TTLL11: variants seen among roughly 807,000 people sequenced by gnomAD.
The protein encoded by TTLL11 is tubulin polyglutamylase TTLL11.
In TTLL11, 42 loss-of-function variants were observed where a neutral mutation model predicts 51.7. That is an observed-to-expected ratio of 0.81 (90% CI 0.64 to 1.05). TTLL11 has a LOEUF of 1.05. TTLL11 is among the 50% of genes least tolerant of loss of function. The pLI is 0.00. For synonymous variants in TTLL11, 381 were observed against 383.5 expected (o/e 0.99, Z 0.08); for missense variants, 799 against 940.4 (o/e 0.85, Z 1.97).
In TTLL11 at chr9:121,826,217, TGCAC is replaced by T. The variant is rs1243665499; in HGVS notation, c.1841-3342_1841-3339del. Among the ~76,000 whole-genome samples the T allele has an allele frequency of 6.9e-3, 400 of 58,036 alleles. 13 individuals carry two copies. Among genetic ancestry groups the T allele is most frequent in the Non-Finnish European group, 8.8e-3 (292 of 33,160 alleles). 38.1% of individuals were successfully genotyped at this position (58,036 alleles called of 152,430 possible). A position where few individuals can be genotyped will look rare whatever the true frequency, so the allele number is the denominator to read the frequency against. On this transcript the variant is annotated intron_variant, in intron 8 of 8. Transcript: ENST00000321582. ...ATATATATATATATATATATATATA[TGCAC>T]ACATATATATATACACGCACATATA...
At chr9:122,092,524 G>A (rs891243865) in intron 1 of TTLL11, among the ~76,000 whole-genome samples, 163 bp downstream of exon 1, 9 of 152,198 alleles carry the variant, frequency 5.9e-5, no homozygotes, top group Non-Finnish European at 1.3e-4. Flanking sequence ...TGGGGGGTAG[G>A]CCTTGAAGGA....
chr9:121,853,580 G>A lies in TTLL11; in HGVS notation c.1840+6757C>T, dbSNP rs1198638386. 6.6e-6 allele frequency among the ~76,000 whole-genome samples: 1 copy of A among 152,186 alleles called. No homozygotes were observed. Among genetic ancestry groups the A allele is most frequent in the Non-Finnish European group, 1.5e-5 (1 of 68,030 alleles). On this transcript the variant is annotated intron_variant, in intron 8 of 8. Coordinates refer to ENST00000321582, the MANE Select transcript of TTLL11 (RefSeq NM_001139442.2). The surrounding 1 kb of genome is among the most constrained non-coding windows in gnomAD (Gnocchi z 5.6). ...TCTCAAGGCCCTGAAATGCGCCAAT[G>A]TCCTCCCCTGGGGTTGGAATTGTGA...
chr9:122,032,239 C>T (rs1759452453), intron 2 of TTLL11, among the ~76,000 whole-genome samples: 1 of 152,076 alleles, frequency 6.6e-6, no homozygotes, highest in East Asian at 1.9e-4. Flanking sequence ...TTCTGGGATT[C>T]CTTCCGTCTT....
chr9:122,040,407 C>T (rs761814802), intron 1 of TTLL11: 7 of 984,788 alleles, frequency 7.1e-6, no homozygotes, highest in Non-Finnish European at 8.4e-6. Context: ...CCACTACATC[C>T]TGTTGCTTCT....
At position 121,899,402 on chromosome 9, in the gene TTLL11, T is replaced by TATATAC. The variant is rs1465376759; in HGVS notation, c.1482-28655_1482-28654insGTATAT. Among the ~76,000 whole-genome samples the TATATAC allele has an allele frequency of 2.1e-3, 175 of 82,758 alleles. No individual in the cohort carries two copies. In the East Asian group the frequency reaches 0.055, roughly 26 times the overall value. The allele number at this position is 82,758 out of a possible 152,430, so 54.3% of individuals were successfully genotyped here. On this transcript the variant is annotated intron_variant, in intron 6 of 8. Coordinates refer to ENST00000321582, the MANE Select transcript of TTLL11 (RefSeq NM_001139442.2). ...ACATATATATATATATATATATATA[T>TATATAC]ACACACACACACACATTTAGAGACA...
chr9:121,965,458 G>A (rs981786469), intron 6 of TTLL11, among the ~76,000 whole-genome samples: 19 of 152,270 alleles, frequency 1.2e-4, no homozygotes, highest in African/African-American at 3.1e-4. Flanking sequence ...GAATTCACTC[G>A]TTATCACGAG....
At chr9:121,922,789 A>G (rs1013758270) in intron 6 of TTLL11, among the ~76,000 whole-genome samples, 2 of 62,844 alleles carry the variant, frequency 3.2e-5, no homozygotes, top group African/African-American at 8.5e-5. Flanking sequence ...GTGTGTGTGC[A>G]TGCACATGTG....
chr9:121,893,657 G>A (rs756782466), intron 6 of TTLL11, among the ~76,000 whole-genome samples: 5 of 151,992 alleles, frequency 3.3e-5, no homozygotes, highest in African/African-American at 4.8e-5. Context: ...TTACCTCTAC[G>A]TCTGCTATCC....
chr9:121,928,441 ATTT>A (rs35562644), intron 6 of TTLL11, among the ~76,000 whole-genome samples: 6,056 of 131,792 alleles, frequency 0.046, 133 homozygotes, highest in Admixed American at 0.068. Context: ...TTTGTTTTGG[ATTT>A]TTTTTTTTTT....
At chr9:121,826,467 GTATATATATATA>G (rs374014946) in intron 8 of TTLL11, among the ~76,000 whole-genome samples, 28,978 of 96,718 alleles carry the variant, frequency 0.3, 5,112 homozygotes, top group East Asian at 0.49. Context: ...ATATATGTGT[GTATATATATATA>G]TGTATATATA....
Position 122,031,707 on chromosome 9 carries a change from A to ACT in TTLL11, c.693+15_693+16insAG, listed in dbSNP as rs1341475877. 1 of 1,611,244 alleles carries ACT rather than the reference A, an allele frequency of 6.2e-7. No homozygotes were observed. Among genetic ancestry groups the ACT allele is most frequent in the African/African-American group, 1.3e-5 (1 of 74,840 alleles). The stretch of plus-strand genomic sequence containing the variant: ...ATAATATAATTCAGGGGTCATGGGG[A>ACT]CGGAGTGCCATCTACCTGAGCAACA... On this transcript the variant is annotated intron_variant, in intron 3 of 8. Transcript: ENST00000321582.
chr9:121,902,824 A>G (rs1031080495), intron 6 of TTLL11, among the ~76,000 whole-genome samples: 1 of 152,110 alleles, frequency 6.6e-6, no homozygotes, highest in African/African-American at 2.4e-5. Context: ...GTGGACTTCT[A>G]GTTCGTCATT....
chr9:121,835,999 A>C (rs879538203), intron 8 of TTLL11, among the ~76,000 whole-genome samples: 4 of 152,178 alleles, frequency 2.6e-5, no homozygotes, highest in South Asian at 2.1e-4. Context: ...GGTAACAACA[A>C]CACCCAGAAT....
chr9:121,822,981 G>T lies in TTLL11; in HGVS notation c.1841-102C>A. The stretch of plus-strand genomic sequence containing the variant: ...AAGGATGTCAGCAAGAGCTAGCCCC[G>T]CTCCCCACCACCGTCTCCATTCCAG... On this transcript the variant is annotated intron_variant, in intron 8 of 8. Coordinates refer to ENST00000321582, the MANE Select transcript of TTLL11 (RefSeq NM_001139442.2). The surrounding 1 kb of genome is among the most constrained non-coding windows in gnomAD (Gnocchi z 5.8). 1 of 1,292,912 alleles carries T rather than the reference G, an allele frequency of 7.7e-7. No homozygotes were observed. The allele number at this position is 1,292,912 out of a possible 1,614,324, so 80.1% of individuals were successfully genotyped here. A position where few individuals can be genotyped will look rare whatever the true frequency, so the allele number is the denominator to read the frequency against.
At chr9:121,953,497 T>C (rs761683555) in intron 6 of TTLL11, among the ~76,000 whole-genome samples, 27 of 151,966 alleles carry the variant, frequency 1.8e-4, no homozygotes, top group Non-Finnish European at 3.1e-4. Flanking sequence ...CCAGGCATGG[T>C]GGCGTGTGCC....
chr9:121,998,472 G>A (rs1337389752), intron 3 of TTLL11, among the ~76,000 whole-genome samples: 1 of 151,920 alleles, frequency 6.6e-6, no homozygotes, highest in Admixed American at 6.6e-5. Context: ...TTTCAGTAGA[G>A]ACGGAGTTTC....
intron 6 of TTLL11, among the ~76,000 whole-genome samples, chr9:121,892,726 G>A (rs544217594): frequency 1.3e-4 from 20 of 152,278 alleles, no homozygotes; most frequent in South Asian, 2.1e-4. Context: ...GCAATGTCCC[G>A]CCACATTCTC....
Position 121,822,893 on chromosome 9 carries a change from G to A in TTLL11, c.1841-14C>T, listed in dbSNP as rs997172416. 3 of 1,542,800 alleles carry A rather than the reference G, an allele frequency of 1.9e-6. No individual in the cohort carries two copies. The highest frequency in any genetic ancestry group is 2.6e-6 in the Non-Finnish European group (3 of 1,142,580). On this transcript the variant is annotated splice_polypyrimidine_tract_variant and intron_variant, in intron 8 of 8. Coordinates refer to ENST00000321582, the MANE Select transcript of TTLL11 (RefSeq NM_001139442.2). The surrounding 1 kb of genome is among the most constrained non-coding windows in gnomAD (Gnocchi z 5.8). Reference sequence around the variant, plus strand: ...GCAGACACATCCCTGTGAACAAAGAGACTGGATGAGGGGGTGCACACAGCT... The same window carrying A: ...GCAGACACATCCCTGTGAACAAAGAAACTGGATGAGGGGGTGCACACAGCT...
chr9:121,855,369 T>C (rs1184540367), intron 8 of TTLL11, among the ~76,000 whole-genome samples: 1 of 152,242 alleles, frequency 6.6e-6, no homozygotes, highest in African/African-American at 2.4e-5. Flanking sequence ...GATTTCATCA[T>C]GTGCATGCTT....
Sources: allele counts gnomAD v4.1 joint callset (sites outside exome capture counted in the v4.1 genomes callset), GRCh38; gene constraint gnomAD v4.1.1; non-coding constraint Gnocchi (gnomAD v3.1); transcripts MANE v1.5; gene names NCBI Gene and HGNC (gene_info 2026-07-23, HGNC 2026-07-21).